ATRNL1: variants seen among roughly 807,000 people sequenced by gnomAD.
ATRNL1 encodes attractin-like protein 1.
ATRNL1 carries 95 observed loss-of-function variants against 182.7 expected under a neutral mutation model. That is an observed-to-expected ratio of 0.52 (90% confidence interval 0.44 to 0.62). The LOEUF (loss-of-function observed/expected upper bound fraction) is 0.62, where lower values mean the gene tolerates loss of function less well. Among genes scored for constraint, ATRNL1 ranks in the 20% least tolerant of loss-of-function variants. The pLI is 0.00. For synonymous variants in ATRNL1, 576 were observed against 568.3 expected (o/e 1.01, Z -0.19); for missense variants, 1,471 against 1,679.5 (o/e 0.88, Z 2.17).
chr10:115,626,428 A>G (rs1033041148), intron 26 of ATRNL1, among the ~76,000 whole-genome samples: 1 of 152,148 alleles, frequency 6.6e-6, no homozygotes, highest in African/African-American at 2.4e-5. Context: ...TTTTGGGCAT[A>G]TTGCTTAAGC....
At chr10:115,236,275 C>T (rs1850175118) in intron 9 of ATRNL1, among the ~76,000 whole-genome samples, 1 of 152,142 alleles carries the variant, frequency 6.6e-6, no homozygotes, top group African/African-American at 2.4e-5. Flanking sequence ...TCCTCTATAT[C>T]CATTTATAGA....
At chr10:115,485,561 T>C (rs1209918807) in intron 24 of ATRNL1, among the ~76,000 whole-genome samples, 1 of 152,112 alleles carries the variant, frequency 6.6e-6, no homozygotes, top group Non-Finnish European at 1.5e-5. Context: ...GACCATTCTA[T>C]ACAATAAATC....
At chr10:115,835,292 C>G (rs2134321907) in intron 27 of ATRNL1, among the ~76,000 whole-genome samples, 1 of 152,160 alleles carries the variant, frequency 6.6e-6, no homozygotes, top group East Asian at 1.9e-4. Context: ...AGCTTCATGA[C>G]TTAACAAAAA....
intron 28 of ATRNL1, chr10:115,909,615 T>G (rs1555115416): frequency 1.4e-5 from 1 of 73,108 alleles, no homozygotes. Flanking sequence ...TCCACTTTGA[T>G]AATGTTAAAA....
At chr10:115,592,207 C>T (rs925412908) in intron 26 of ATRNL1, among the ~76,000 whole-genome samples, 4 of 152,098 alleles carry the variant, frequency 2.6e-5, no homozygotes, top group Non-Finnish European at 5.9e-5. Context: ...ATTTGAAAAA[C>T]TATTGGGTAC....
chr10:115,493,306 C>T (rs1849399035), intron 24 of ATRNL1, among the ~76,000 whole-genome samples: 2 of 152,096 alleles, frequency 1.3e-5, no homozygotes. Context: ...ATATTGTTCC[C>T]TTCTTCATGT....
chr10:115,342,511 CTTGTTA>C (rs149713771), intron 19 of ATRNL1, among the ~76,000 whole-genome samples: 1,972 of 152,078 alleles, frequency 0.013, 40 homozygotes, highest in African/African-American at 0.046. Flanking sequence ...TGCTTTTTAA[CTTGTTA>C]TTGTTTGTAT....
chr10:115,456,966 C>T (rs1847554520), intron 21 of ATRNL1, among the ~76,000 whole-genome samples: 1 of 152,050 alleles, frequency 6.6e-6, no homozygotes, highest in Non-Finnish European at 1.5e-5. Flanking sequence ...GACTTTTTTG[C>T]TCCCATTGTT....
intron 27 of ATRNL1, among the ~76,000 whole-genome samples, chr10:115,816,020 A>G (rs938110621): frequency 2.0e-5 from 3 of 152,172 alleles, no homozygotes; most frequent in South Asian, 2.1e-4. Flanking sequence ...AAACAGATTC[A>G]GTGAATTACA....
chr10:115,649,452 T>C (rs1247517575), intron 26 of ATRNL1, among the ~76,000 whole-genome samples: 1 of 152,130 alleles, frequency 6.6e-6, no homozygotes, highest in East Asian at 1.9e-4. Context: ...AAGAAAAATA[T>C]GTGATGGCAC....
At chr10:115,370,406 C>G (rs1857332042) in intron 19 of ATRNL1, among the ~76,000 whole-genome samples, 2 of 152,298 alleles carry the variant, frequency 1.3e-5, no homozygotes, top group Admixed American at 6.5e-5. Flanking sequence ...TCCCTAGAGA[C>G]TTGTTGAATG....
At chr10:115,650,974 T>C (rs1049493795) in intron 26 of ATRNL1, among the ~76,000 whole-genome samples, 6 of 152,262 alleles carry the variant, frequency 3.9e-5, no homozygotes, top group Middle Eastern at 6.8e-3. Context: ...ATTTGCCCAT[T>C]GTGGAATATG....
intron 25 of ATRNL1, among the ~76,000 whole-genome samples, chr10:115,536,529 C>T (rs1411341602): frequency 2.3e-4 from 35 of 152,336 alleles, no homozygotes; most frequent in Non-Finnish European, 4.3e-4. Flanking sequence ...CTTTCTTTGA[C>T]TAGGTAAGGG....
intron 26 of ATRNL1, among the ~76,000 whole-genome samples, chr10:115,571,344 C>G (rs1268101933): frequency 6.6e-6 from 1 of 152,172 alleles, no homozygotes; most frequent in African/African-American, 2.4e-5. Flanking sequence ...ATCTGCCACA[C>G]ATTTAAATAT....
At chr10:115,634,475 T>C (rs554421383) in intron 26 of ATRNL1, among the ~76,000 whole-genome samples, 2 of 152,258 alleles carry the variant, frequency 1.3e-5, no homozygotes, top group Admixed American at 6.5e-5. Flanking sequence ...ATGAGTTTAA[T>C]TGACCACCAG....
intron 19 of ATRNL1, among the ~76,000 whole-genome samples, chr10:115,347,821 T>C (rs1856044995): frequency 6.6e-6 from 1 of 152,108 alleles, no homozygotes; most frequent in African/African-American, 2.4e-5. Flanking sequence ...AAAATATTTA[T>C]GTGTGTATAT....
rs782587610 is a variant in ATRNL1 at position 115,469,247 on chromosome 10, A to T, written c.3572A>T (p.Tyr1191Phe). The T allele has an allele frequency of 1.3e-6, 2 of 1,505,350 alleles. No individual in the cohort carries two copies. The highest frequency in any genetic ancestry group is 2.9e-5 in the African/African-American group (2 of 69,182). 93.2% of individuals were successfully genotyped at this position (1,505,350 alleles called of 1,614,324 possible). A position where few individuals can be genotyped will look rare whatever the true frequency, so the allele number is the denominator to read the frequency against. Residue 1191 changes from tyrosine to phenylalanine, a missense_variant, in exon 24 of 29, where the codon TAT becomes TTT. Tyr to Phe is a conservative substitution (Grantham distance 22). Around this residue, in one of 3 missense-constraint regions of ATRNL1, gnomAD observed 437 missense variants for 506.0 expected, o/e 0.86. Coordinates refer to ENST00000355044, the MANE Select transcript of ATRNL1 (RefSeq NM_207303.4). ...NIKEYRDSFS[Y>F]EKFNFRSNPN... Reference sequence around the variant, plus strand: ...AAGGAATACAGAGATAGTTTTTCCTATGAAAAATTTAACTTTAGAAGCAAT... The same window carrying T: ...AAGGAATACAGAGATAGTTTTTCCTTTGAAAAATTTAACTTTAGAAGCAAT...
intron 7 of ATRNL1, among the ~76,000 whole-genome samples, chr10:115,169,006 G>A (rs1313082637): frequency 6.8e-6 from 1 of 148,148 alleles, no homozygotes; most frequent in East Asian, 2.0e-4. Flanking sequence ...TATGCAGTAA[G>A]GGTGCAAGTT....
intron 26 of ATRNL1, among the ~76,000 whole-genome samples, chr10:115,627,053 A>G (rs1248552592): frequency 6.6e-6 from 1 of 152,194 alleles, no homozygotes; most frequent in African/African-American, 2.4e-5. Context: ...AAAATTTGCA[A>G]AACTTGAAAA....
Sources: allele counts gnomAD v4.1 joint callset (sites outside exome capture counted in the v4.1 genomes callset), GRCh38; gene constraint gnomAD v4.1.1; regional missense constraint gnomAD v4.1.1; transcripts MANE v1.5; gene names NCBI Gene and HGNC (gene_info 2026-07-23, HGNC 2026-07-21).